NLRP3: variants seen among roughly 807,000 people sequenced by gnomAD.
NLRP3 encodes the protein NACHT, LRR and PYD domains-containing protein 3.
In NLRP3, 48 loss-of-function variants were observed where a neutral mutation model predicts 91.3. The observed-to-expected ratio is 0.53, with a 90% confidence interval of 0.42 to 0.67. NLRP3 has a LOEUF of 0.67. NLRP3 is among the 30% of genes least tolerant of loss of function. The pLI, the probability that NLRP3 is intolerant of heterozygous loss-of-function variation, is 0.00. For synonymous variants in NLRP3, 561 were observed against 507.9 expected (o/e 1.10, Z -1.41); for missense variants, 982 against 1,276.9 (o/e 0.77, Z 3.52).
chr1:247,435,145 G>A (rs986238655), intron 6 of NLRP3, among the ~76,000 whole-genome samples: 6 of 152,042 alleles, frequency 3.9e-5, no homozygotes, highest in Non-Finnish European at 7.4e-5. Context: ...CCAGTTACTC[G>A]GGGTGGAGGC....
chr1:247,441,235 C>CTTTCT (rs1398826718), intron 7 of NLRP3, among the ~76,000 whole-genome samples: 2 of 115,564 alleles, frequency 1.7e-5, no homozygotes, highest in African/African-American at 3.3e-5. Flanking sequence ...CCTTATTTTC[C>CTTTCT]TTTCTTTTCT....
chr1:247,433,241 A>C (rs1442830817), intron 5 of NLRP3, among the ~76,000 whole-genome samples: 1 of 152,110 alleles, frequency 6.6e-6, no homozygotes, highest in Non-Finnish European at 1.5e-5. Context: ...AAAAAGAATC[A>C]GAGCTGCTTT....
At chr1:247,447,080 G>C (rs562763883) in intron 9 of NLRP3, among the ~76,000 whole-genome samples, 3 of 152,192 alleles carry the variant, frequency 2.0e-5, no homozygotes, top group African/African-American at 7.2e-5. Flanking sequence ...AAGAATCCAT[G>C]AATGCAATCA....
chr1:247,448,429 T>C lies in NLRP3; in HGVS notation c.3030T>C (p.Tyr1010=). 1 of 1,611,590 alleles carries C rather than the reference T, an allele frequency of 6.2e-7. No individual in the cohort carries two copies. Among genetic ancestry groups the C allele is most frequent in the Non-Finnish European group, 8.5e-7 (1 of 1,177,714 alleles). Reference sequence around the variant, plus strand: ...GGTTGTCTGAAATGTATTTCAATTATGAGACAAAAAGTGCGTTAGAAACAC... The same window carrying C: ...GGTTGTCTGAAATGTATTTCAATTACGAGACAAAAAGTGCGTTAGAAACAC... ...NLGLSEMYFN[Y]ETKSALETLQ... Residue 1010 remains tyrosine, a synonymous_variant, in exon 10 of 10, where the codon TAT becomes TAC. Transcript: ENST00000336119.
intron 5 of NLRP3, 57 bp downstream of exon 5, chr1:247,429,812 AG>A: frequency 6.3e-7 from 1 of 1,589,086 alleles, no homozygotes; most frequent in Non-Finnish European, 8.6e-7. Flanking sequence ...AGAGAGAGAG[AG>A]AAACAGACTG....
rs559507997 is a variant in NLRP3 at position 247,417,567 on chromosome 1, C to T, written c.-748-486C>T. On this transcript the variant is annotated intron_variant, in intron 1 of 9. Transcript: ENST00000336119. ...TGTGATCTTGGCTCATCGCAACCTC[C>T]GCCTCCTGGGTTCAAGCGATTCTCC... 7.2e-5 allele frequency among the ~76,000 whole-genome samples: 11 copies of T among 152,142 alleles called. No individual in the cohort carries two copies. The South Asian group carries it at 1.7e-3, about 23-fold the overall frequency.
intron 1 of NLRP3, among the ~76,000 whole-genome samples, chr1:247,417,125 T>A (rs952589379): frequency 3.9e-5 from 6 of 152,202 alleles, no homozygotes; most frequent in African/African-American, 1.4e-4. Context: ...ACACCTGTGA[T>A]AAATGCTGGG....
intron 2 of NLRP3, among the ~76,000 whole-genome samples, chr1:247,422,478 T>C (rs1340497452): frequency 6.6e-6 from 1 of 152,166 alleles, no homozygotes; most frequent in Non-Finnish European, 1.5e-5. Context: ...TTGTTTTACC[T>C]AACCTGAATT....
At chr1:247,419,244 T>A (rs1481009231) in intron 2 of NLRP3, among the ~76,000 whole-genome samples, 167 bp downstream of exon 2, 2 of 151,440 alleles carry the variant, frequency 1.3e-5, no homozygotes, top group African/African-American at 4.9e-5. Context: ...AACCTCCACC[T>A]CCCGGGTTCA....
At chr1:247,420,063 G>T (rs1002781227) in intron 2 of NLRP3, among the ~76,000 whole-genome samples, 2 of 152,170 alleles carry the variant, frequency 1.3e-5, no homozygotes, top group African/African-American at 4.8e-5. Flanking sequence ...CATATCCTAA[G>T]AACACGTTAT....
At position 247,424,979 on chromosome 1, in the gene NLRP3, G is replaced by A; in HGVS notation, c.1530G>A (p.Val510=). The change falls in exon 4 of 10, where the codon GTG becomes GTA. Residue 510 remains valine (V), a synonymous_variant. Coordinates refer to ENST00000336119, the MANE Select transcript of NLRP3 (RefSeq NM_001243133.2). This position sits in a 1 kb window ranked among gnomAD's most constrained non-coding sequence, Gnocchi z 8.1. ...FLRMNLFQKE[V]DCEKFYSFIH... The stretch of plus-strand genomic sequence containing the variant: ...GGATGAACCTGTTCCAAAAGGAAGT[G>A]GACTGCGAGAAGTTCTACAGCTTCA... 2 of 1,614,170 alleles carry A rather than the reference G, an allele frequency of 1.2e-6. No individual in the cohort carries two copies. Among genetic ancestry groups the A allele is most frequent in the African/African-American group, 1.3e-5 (1 of 75,046 alleles).
At chr1:247,443,914 C>T (rs751300723) in intron 7 of NLRP3, 58 bp from the exon 8 acceptor site, 6 of 1,569,090 alleles carry the variant, frequency 3.8e-6, no homozygotes, top group Non-Finnish European at 3.5e-6. Flanking sequence ...GTCAAAGCAG[C>T]TGCACAATGT....
rs748106456 is a variant in NLRP3 at position 247,434,284 on chromosome 1, C to A, written c.2492+11C>A. Reference sequence around the variant, plus strand: ...TCTGAAGAAGCTCTGGTGAGTCGAGCCCGTTCCCCTAAGGAAGTTCTGCCA... The same window carrying A: ...TCTGAAGAAGCTCTGGTGAGTCGAGACCGTTCCCCTAAGGAAGTTCTGCCA... On this transcript the variant is annotated intron_variant, in intron 6 of 9. Coordinates refer to ENST00000336119, the MANE Select transcript of NLRP3 (RefSeq NM_001243133.2). 1 of 1,613,998 alleles carries A rather than the reference C, an allele frequency of 6.2e-7. No individual in the cohort carries two copies. Among genetic ancestry groups the A allele is most frequent in the East Asian group, 2.2e-5 (1 of 44,870 alleles).
At chr1:247,431,555 G>A (rs981969212) in intron 5 of NLRP3, among the ~76,000 whole-genome samples, 5 of 152,106 alleles carry the variant, frequency 3.3e-5, no homozygotes, top group Admixed American at 2.0e-4. Context: ...TCAGCTCCCC[G>A]GGGATGGGGT....
At chr1:247,444,503 C>T (rs771805226) in intron 8 of NLRP3, 148 bp from the exon 9 acceptor site, 354 of 775,386 alleles carry the variant, frequency 4.6e-4, no homozygotes, top group Middle Eastern at 1.1e-3. Context: ...TAATTACCAG[C>T]ATACAAGGCT....
intron 2 of NLRP3, among the ~76,000 whole-genome samples, 196 bp from the exon 3 acceptor site, chr1:247,423,034 T>C (rs3806265): frequency 0.41 from 61,639 of 151,954 alleles, 13,061 homozygotes; most frequent in African/African-American, 0.51. Flanking sequence ...ACAGCAGAAG[T>C]TGTTTTGAAA....
chr1:247,425,717 A>G lies in NLRP3; in HGVS notation c.2150+118A>G, dbSNP rs1009302182. On this transcript the variant is annotated intron_variant, in intron 4 of 9. Coordinates refer to ENST00000336119, the MANE Select transcript of NLRP3 (RefSeq NM_001243133.2). The surrounding 1 kb of genome is among the most constrained non-coding windows in gnomAD (Gnocchi z 4.1). ...CAAATACTGTTGCCACAGCTACATC[A>G]TAATGCCACCACTGTCTGTTTGAGA... The G allele has an allele frequency of 1.3e-5, 12 of 909,384 alleles. No individual in the cohort carries two copies. The African/African-American group carries it at 2.0e-4, about 15-fold the overall frequency. 56.3% of individuals were successfully genotyped at this position (909,384 alleles called of 1,614,324 possible).
intron 7 of NLRP3, 99 bp from the exon 8 acceptor site, chr1:247,443,873 C>T (rs1241371947): frequency 8.6e-7 from 1 of 1,156,370 alleles, no homozygotes; most frequent in East Asian, 2.4e-5. Context: ...GAGCTGAAGG[C>T]TGCAGCTGCT....
intron 9 of NLRP3, among the ~76,000 whole-genome samples, chr1:247,447,112 T>C (rs1572236105): frequency 6.6e-6 from 1 of 152,336 alleles, no homozygotes; most frequent in East Asian, 1.9e-4. Context: ...CAGGCTGCGA[T>C]AACAAGCTGC....
Sources: gnomAD v4.1 joint callset for allele counts (sites outside exome capture counted in the v4.1 genomes callset) on GRCh38, gnomAD v4.1.1 for gene constraint, Gnocchi (gnomAD v3.1) non-coding constraint, MANE v1.5 for transcripts, NCBI Gene and HGNC (gene_info 2026-07-23, HGNC 2026-07-21) for gene names.